SEMA4D: variants seen among roughly 807,000 people sequenced by gnomAD.
SEMA4D encodes the protein semaphorin 4D.
A neutral mutation model predicts 74.8 loss-of-function variants in SEMA4D; 22 were observed. The ratio of observed to expected loss-of-function variants is 0.29; its 90% CI spans 0.21 to 0.42. The LOEUF is 0.42. Among genes scored for constraint, SEMA4D ranks in the 10% least tolerant of loss-of-function variants. The probability of loss-of-function intolerance (pLI) is 1.00; values close to 1 mark genes in which losing one functional copy is unlikely to be tolerated. For missense variants in SEMA4D, 937 were observed against 1,118.4 expected, an observed-to-expected ratio of 0.84 and a Z score of 2.31; for synonymous variants, 445 against 463.7, an observed-to-expected ratio of 0.96 and a Z score of 0.52.
intron 2 of SEMA4D, among the ~76,000 whole-genome samples, chr9:89,417,300 A>G (rs912795903): frequency 6.6e-6 from 1 of 152,216 alleles, no homozygotes. Flanking sequence ...ACCAGATAAT[A>G]TATCTAGCCA....
chr9:89,411,840 G>T (rs1449027466), intron 2 of SEMA4D, among the ~76,000 whole-genome samples: 1 of 152,200 alleles, frequency 6.6e-6, no homozygotes. Context: ...GTAAAAATAG[G>T]ATTGTTCACC....
At chr9:89,441,425 G>A (rs1319588453) in intron 2 of SEMA4D, among the ~76,000 whole-genome samples, 1 of 152,246 alleles carries the variant, frequency 6.6e-6, no homozygotes, top group East Asian at 1.9e-4. Context: ...CAATGTGTCT[G>A]GGATCAGAAG....
At chr9:89,383,473 C>T (rs556391158) in intron 13 of SEMA4D, among the ~76,000 whole-genome samples, 95 of 152,282 alleles carry the variant, frequency 6.2e-4, no homozygotes, top group African/African-American at 2.1e-3. Context: ...CCACAAAACA[C>T]CAGACTACTC....
intron 2 of SEMA4D, among the ~76,000 whole-genome samples, chr9:89,411,132 G>C (rs1379052395): frequency 6.6e-6 from 1 of 152,156 alleles, no homozygotes; most frequent in Non-Finnish European, 1.5e-5. Context: ...AATGGGGCGG[G>C]GCAGGAGAAG....
chr9:89,495,453 G>A (rs4877098), intron 1 of SEMA4D, among the ~76,000 whole-genome samples: 28,363 of 151,986 alleles, frequency 0.19, 2,849 homozygotes, highest in East Asian at 0.33. Context: ...AATGGTGATG[G>A]GGATGGGGAT....
chr9:89,462,143 C>G (rs555056789), intron 1 of SEMA4D, among the ~76,000 whole-genome samples: 2 of 152,166 alleles, frequency 1.3e-5, no homozygotes, highest in Non-Finnish European at 2.9e-5. Context: ...AACTGAAGCA[C>G]GTGAAGCTAA....
intron 16 of SEMA4D, chr9:89,365,264 G>A (rs1421145032): frequency 6.6e-6 from 1 of 152,428 alleles, no homozygotes; most frequent in African/African-American, 2.4e-5. Flanking sequence ...TGCTCCTTCT[G>A]TCTCTGAAGC....
At chr9:89,385,866 G>GGGGGGGGGGGGGCCCCCC in intron 13 of SEMA4D, 21 of 196,226 alleles carry the variant, frequency 1.1e-4, no homozygotes, top group East Asian at 1.9e-4. Flanking sequence ...CAGCGTGGAT[G>GGGGGGGGGGGGGCCCCCC]CCCGCCCACC....
At chr9:89,363,720 G>T in intron 17 of SEMA4D, 2 of 1,608,068 alleles carry the variant, frequency 1.2e-6, no homozygotes, top group Non-Finnish European at 8.5e-7. Flanking sequence ...AAGGGTAACA[G>T]TGGGCATGGG....
In SEMA4D at chr9:89,391,702, G is replaced by A. The variant is rs554788218; in HGVS notation, c.623-287C>T. The stretch of plus-strand genomic sequence containing the variant: ...CAGGTTCACCCCAAGAACTGAGGCT[G>A]GGCCTCCTGACTGGAAGGCAGGGAG... On this transcript the variant is annotated intron_variant, in intron 8 of 15. Transcript: ENST00000422704. 5.9e-5 allele frequency among the ~76,000 whole-genome samples: 9 copies of A among 152,346 alleles called. No individual in the cohort carries two copies. In the South Asian group the frequency reaches 1.0e-3, roughly 18 times the overall value.
chr9:89,396,953 C>T (rs1841101119), intron 5 of SEMA4D, 118 bp from the exon 6 acceptor site: 1 of 860,220 alleles, frequency 1.2e-6, no homozygotes, highest in African/African-American at 1.7e-5. Flanking sequence ...CACCAGCTCA[C>T]AGGTGGCCCC....
chr9:89,393,731 C>T, intron 6 of SEMA4D, 76 bp from the exon 7 acceptor site: 1 of 1,192,666 alleles, frequency 8.4e-7, no homozygotes, highest in Non-Finnish European at 1.2e-6. Flanking sequence ...TGTACCACTT[C>T]ATTTTACAAA....
Position 89,381,620 on chromosome 9 carries a change from G to T in SEMA4D, c.1447-274C>A. On this transcript the variant is annotated intron_variant, in intron 13 of 15. Coordinates refer to ENST00000422704, the MANE Select transcript of SEMA4D (RefSeq NM_001371194.2). This position sits in a 1 kb window ranked among gnomAD's most constrained non-coding sequence, Gnocchi z 4.6. Reference sequence around the variant, plus strand: ...ACAGGTGCCTGCCCTCCAGCAAAGCGCTTCTCTGCACGTGTTTCTCTTAGC... The same window carrying T: ...ACAGGTGCCTGCCCTCCAGCAAAGCTCTTCTCTGCACGTGTTTCTCTTAGC... 2.8e-6 allele frequency: 1 copy of T among 351,632 alleles called. No homozygotes were observed. The highest frequency in any genetic ancestry group is 2.1e-5 in the African/African-American group (1 of 48,416). The allele number at this position is 351,632 out of a possible 1,614,324, so 21.8% of individuals were successfully genotyped here.
At chr9:89,443,103 C>T (rs1222754097) in intron 2 of SEMA4D, among the ~76,000 whole-genome samples, 1 of 152,186 alleles carries the variant, frequency 6.6e-6, no homozygotes, top group African/African-American at 2.4e-5. Context: ...CTCTTCTCCC[C>T]AGGAGGTGAC....
chr9:89,433,991 T>G (rs748863729), intron 2 of SEMA4D, among the ~76,000 whole-genome samples: 44 of 152,190 alleles, frequency 2.9e-4, no homozygotes, highest in Non-Finnish European at 5.9e-4. Context: ...AATCTGTGCA[T>G]GACTCACACA....
Position 89,379,072 on chromosome 9 carries a change from G to A in SEMA4D, c.2221C>T (p.Leu741Phe). 1.2e-6 allele frequency: 2 copies of A among 1,613,790 alleles called. No homozygotes were observed. Among genetic ancestry groups the A allele is most frequent in the South Asian group, 1.1e-5 (1 of 91,048 alleles). Residue 741 changes from leucine (L) to phenylalanine (F), a missense_variant, in exon 16 of 16, where the codon CTC (leucine) becomes TTC (phenylalanine). Leu to Phe is a conservative substitution (Grantham distance 22). Coordinates refer to ENST00000422704, the MANE Select transcript of SEMA4D (RefSeq NM_001371194.2). The part of the protein sequence containing the change: ...SDNRLLMSLF[L>F]FFFVLFLCLF... The stretch of plus-strand genomic sequence containing the variant: ...CAGAGGAAGAGAACAAAGAAGAAGA[G>A]GAAGAGGGACATGAGGAGGCGGTTG...
chr9:89,379,554 G>A lies in SEMA4D; in HGVS notation c.1739C>T (p.Ser580Phe). 1.9e-6 allele frequency: 3 copies of A among 1,614,186 alleles called. No individual in the cohort carries two copies. Among genetic ancestry groups the A allele is most frequent in the Non-Finnish European group, 2.5e-6 (3 of 1,180,036 alleles). The change falls in exon 16 of 16, where the codon TCC becomes TTC. Residue 580 changes from serine to phenylalanine, a missense_variant. Physicochemically the swap from Ser to Phe is radical, Grantham distance 155. Coordinates refer to ENST00000422704, the MANE Select transcript of SEMA4D (RefSeq NM_001371194.2). ...CTTCCAAAAGACCCGGGCCAGGTTG[G>A]ATTTTTGGGAGCATTTCAGTTCCGC... ...GTAELKCSQK[S>F]NLARVFWKFQ...
intron 1 of SEMA4D, among the ~76,000 whole-genome samples, chr9:89,475,548 C>T (rs1039716340): frequency 6.6e-6 from 1 of 152,224 alleles, no homozygotes; most frequent in African/African-American, 2.4e-5. Context: ...TCCAACACTG[C>T]ACCTGATGGA....
intron 2 of SEMA4D, among the ~76,000 whole-genome samples, chr9:89,411,001 GA>G (rs1182902375): frequency 2.6e-5 from 4 of 152,208 alleles, no homozygotes; most frequent in African/African-American, 9.7e-5. Context: ...TTCTTTCTCA[GA>G]AAGCTACTGC....
Sources: allele counts gnomAD v4.1 joint callset (sites outside exome capture counted in the v4.1 genomes callset), GRCh38; gene constraint gnomAD v4.1.1; non-coding constraint Gnocchi (gnomAD v3.1); transcripts MANE v1.5; gene names NCBI Gene and HGNC (gene_info 2026-07-23, HGNC 2026-07-21).